The following UBL4A variants were observed in gnomAD, a reference collection of about 807,000 sequenced individuals.
The protein encoded by UBL4A is ubiquitin-like protein 4A.
UBL4A carries 4 observed loss-of-function variants against 11.4 expected under a neutral mutation model. The ratio of observed to expected loss-of-function variants is 0.35; its 90% CI spans 0.17 to 0.81. UBL4A has a LOEUF of 0.81. Among genes scored for constraint, UBL4A ranks in the 30% least tolerant of loss-of-function variants. The probability of loss-of-function intolerance (pLI) is 0.52; values close to 1 mark genes in which losing one functional copy is unlikely to be tolerated. For synonymous variants in UBL4A, 72 were observed against 61.2 expected, an observed-to-expected ratio of 1.18 and a Z score of -0.83; for missense variants, 112 against 124.9, an observed-to-expected ratio of 0.90 and a Z score of 0.49.
rs1479457458 is a variant in UBL4A, at chrX:154,486,340, G to C, written c.49-7C>G. ...CCAGCTCGTCCTCTGGCACCTGGCC[G>C]CGCGGAGGGTGGGAGGCAAGGGTTG... On this transcript the variant is annotated splice_polypyrimidine_tract_variant and splice_region_variant and intron_variant, in intron 1 of 3. Coordinates refer to ENST00000369660, the MANE Select transcript of UBL4A (RefSeq NM_014235.5). 30 of 1,134,966 alleles carry C rather than the reference G, an allele frequency of 2.6e-5. No individual in the cohort carries two copies. Among genetic ancestry groups the C allele is most frequent in the Non-Finnish European group, 3.5e-5 (30 of 857,444 alleles). The allele number at this position is 1,134,966 out of a possible 1,213,427, so 93.5% of individuals were successfully genotyped here.
At position 154,485,788 on chromosome X, in the gene UBL4A, G is replaced by A; in HGVS notation, c.346C>T (p.Leu116=). 1 of 1,194,557 alleles carries A rather than the reference G, an allele frequency of 8.4e-7. No homozygotes were observed. Among genetic ancestry groups the A allele is most frequent in the Admixed American group, 2.2e-5 (1 of 44,716 alleles). Residue 116 remains leucine (L), a synonymous_variant, in exon 3 of 4, where the codon CTG becomes TTG. Transcript: ENST00000369660. ...CTTCTCACCCTCTGTAGCTGTTCCA[G>A]GACCCTGCTGGCATCTGCCGCACTG... ...HFSAADASRV[L]EQLQRDYERS...
rs2069280272 is a variant in UBL4A at position 154,484,088 on chromosome X, TA to T, written c.*1450del. On this transcript the variant is annotated 3_prime_UTR_variant, in exon 4 of 4. Coordinates refer to ENST00000369660, the MANE Select transcript of UBL4A (RefSeq NM_014235.5). ...AAAGTAGAAGCCTCACATTCACCTT[TA>T]ATGTTATTTCACTTTTTCCAAAATC... is the stretch of plus-strand genomic sequence containing the variant. 8.8e-6 allele frequency: 1 copy of T among 113,718 alleles called. No individual in the cohort carries two copies. The highest frequency in any genetic ancestry group is 9.2e-5 in the Admixed American group (1 of 10,836). The allele number at this position is 113,718 out of a possible 1,213,427, so 9.4% of individuals were successfully genotyped here. A position where few individuals can be genotyped will look rare whatever the true frequency, so the allele number is the denominator to read the frequency against.
chrX:154,484,515 A>C lies in UBL4A; in HGVS notation c.*1024T>G. On this transcript the variant is annotated 3_prime_UTR_variant, in exon 4 of 4. Coordinates refer to ENST00000369660, the MANE Select transcript of UBL4A (RefSeq NM_014235.5). Reference sequence around the variant, plus strand: ...TAGATGTCCTCTTGTGCCCACACACACGGCAGGGTGGAGGAGGATGAACCG... The same window carrying C: ...TAGATGTCCTCTTGTGCCCACACACCCGGCAGGGTGGAGGAGGATGAACCG... 1 of 112,666 alleles carries C rather than the reference A, an allele frequency of 8.9e-6. No individual in the cohort carries two copies. Among genetic ancestry groups the C allele is most frequent in the Non-Finnish European group, 1.9e-5 (1 of 53,247 alleles). The allele number at this position is 112,666 out of a possible 1,213,427, so 9.3% of individuals were successfully genotyped here. A position where few individuals can be genotyped will look rare whatever the true frequency, so the allele number is the denominator to read the frequency against.
In UBL4A at chrX:154,483,753, C is replaced by T. The variant is rs1275470088; in HGVS notation, c.*1786G>A. The T allele has an allele frequency of 5.3e-5, 6 of 112,156 alleles. No individual in the cohort carries two copies. The highest frequency in any genetic ancestry group is 1.9e-4 in the African/African-American group (6 of 30,846). 9.2% of individuals were successfully genotyped at this position (112,156 alleles called of 1,213,427 possible). A position where few individuals can be genotyped will look rare whatever the true frequency, so the allele number is the denominator to read the frequency against. On this transcript the variant is annotated 3_prime_UTR_variant, in exon 4 of 4. Transcript: ENST00000369660. ...GAGAAGAGTGTTTATTTGCTGGGGG[C>T]ATCTGAGACAGCAGAGGTGGTACAC... is the stretch of plus-strand genomic sequence containing the variant.
At position 154,485,870 on chromosome X, in the gene UBL4A, G is replaced by A; in HGVS notation, c.264C>T (p.Ala88=). ...GCCAGACCTGCGGGGGTGGGGAGTC[G>A]GCCAGCCTCTGGGCCTCGCCTTCTT... ...LLEEGEAQRL[A]DSPPPQVWQL... Residue 88 remains alanine (A), a synonymous_variant, in exon 3 of 4, where the codon GCC becomes GCT. Transcript: ENST00000369660. 8.3e-7 allele frequency: 1 copy of A among 1,210,660 alleles called. No individual in the cohort carries two copies. Among genetic ancestry groups the A allele is most frequent in the Non-Finnish European group, 1.1e-6 (1 of 894,971 alleles).
chrX:154,485,856 G>A lies in UBL4A; in HGVS notation c.278C>T (p.Pro93Leu), dbSNP rs782174250. Reference protein sequence around the residue: ...EAQRLADSPPPQVWQLISKVL... With the variant: ...EAQRLADSPPLQVWQLISKVL... The stretch of plus-strand genomic sequence containing the variant: ...TTTGGAGATCAGCTGCCAGACCTGC[G>A]GGGGTGGGGAGTCGGCCAGCCTCTG... Residue 93 changes from proline to leucine, a missense_variant, in exon 3 of 4, where the codon CCG becomes CTG. Physicochemically the swap from Pro to Leu is moderately conservative, Grantham distance 98. Transcript: ENST00000369660. 144 of 1,207,000 alleles carry A rather than the reference G, an allele frequency of 1.2e-4. 3 individuals carry two copies. The South Asian group carries it at 2.1e-3, about 18-fold the overall frequency.
At chrX:154,486,486 G>T (rs781867852) in intron 1 of UBL4A, 51 bp downstream of exon 1, 1 of 1,021,538 alleles carries the variant, frequency 9.8e-7, no homozygotes, top group South Asian at 2.7e-5. Context: ...CCCCTGCCAG[G>T]AGCGGGCGAG....
rs1236058356 is a variant in UBL4A at position 154,484,565 on chromosome X, C to T, written c.*974G>A. ...GGAACCCAGTCCATGCTTCTGCCCC[C>T]ACCCTGGCACCCCAAGGTTTCTTCT... is the stretch of plus-strand genomic sequence containing the variant. On this transcript the variant is annotated 3_prime_UTR_variant, in exon 4 of 4. Transcript: ENST00000369660. 8.9e-6 allele frequency: 1 copy of T among 112,857 alleles called. No homozygotes were observed. The highest frequency in any genetic ancestry group is 9.4e-5 in the Admixed American group (1 of 10,687). 9.3% of individuals were successfully genotyped at this position (112,857 alleles called of 1,213,427 possible).
At position 154,486,540 on chromosome X, in the gene UBL4A, C is replaced by A; in HGVS notation, c.45G>T (p.Leu15=). 9.7e-7 allele frequency: 1 copy of A among 1,027,679 alleles called. No individual in the cohort carries two copies. The highest frequency in any genetic ancestry group is 1.2e-6 in the Non-Finnish European group (1 of 804,830). 84.7% of individuals were successfully genotyped at this position (1,027,679 alleles called of 1,213,427 possible). A position where few individuals can be genotyped will look rare whatever the true frequency, so the allele number is the denominator to read the frequency against. The change falls in exon 1 of 4, where the codon CTG becomes CTT. Residue 15 remains leucine (L), a synonymous_variant. Coordinates refer to ENST00000369660, the MANE Select transcript of UBL4A (RefSeq NM_014235.5). ...CGGCCCGGCCCGGGGACCCTACCTGCAGGCTGCACTCGCGGCCCTGCAGCG... is the reference window on the plus strand; with the variant it reads ...CGGCCCGGCCCGGGGACCCTACCTGAAGGCTGCACTCGCGGCCCTGCAGCG... ...VKALQGRECS[L]QVPEDELVST...
intron 2 of UBL4A, 27 bp downstream of exon 2, chrX:154,486,201 C>T: frequency 8.8e-7 from 1 of 1,139,263 alleles, no homozygotes; most frequent in Non-Finnish European, 1.2e-6. Flanking sequence ...CTGCGGGGCT[C>T]CCCGGGCGTC....
rs1419778034 is a variant in UBL4A, at chrX:154,484,008, TAAACCAATG to T, written c.*1522_*1530del. 8.8e-6 allele frequency: 1 copy of T among 113,671 alleles called. No homozygotes were observed. The highest frequency in any genetic ancestry group is 1.9e-5 in the Non-Finnish European group (1 of 53,491). The allele number at this position is 113,671 out of a possible 1,213,427, so 9.4% of individuals were successfully genotyped here. The stretch of plus-strand genomic sequence containing the variant: ...TGATTAAACAAATTGCCTTTATTGT[TAAACCAATG>T]ATTGGATATCAGAAACAGCCTAGCT... On this transcript the variant is annotated 3_prime_UTR_variant, in exon 4 of 4. Transcript: ENST00000369660.
intron 2 of UBL4A, 33 bp downstream of exon 2, chrX:154,486,195 G>A (rs1557212891): frequency 2.7e-6 from 3 of 1,130,872 alleles, no homozygotes; most frequent in Non-Finnish European, 3.5e-6. Flanking sequence ...CGCTTCCTGC[G>A]GGGCTCCCCG....
Position 154,485,964 on chromosome X carries a change from G to C in UBL4A, c.170C>G (p.Ser57Trp). The C allele has an allele frequency of 8.3e-7, 1 of 1,208,026 alleles. No individual in the cohort carries two copies. The highest frequency in any genetic ancestry group is 1.1e-6 in the Non-Finnish European group (1 of 895,450). The change falls in exon 3 of 4, where the codon TCG becomes TGG. Residue 57 changes from serine to tryptophan, a missense_variant. By Grantham distance (177) the Ser-to-Trp change is radical. Transcript: ENST00000369660. ...GKALADGKRLSDYSIGPNSKL... is the reference protein window; with the variant it reads ...GKALADGKRLWDYSIGPNSKL... Reference sequence around the variant, plus strand: ...GGAGTTGGGCCCGATGCTATAATCCGAGAGTCGTTTCCCATCTGCCAAAGA... The same window carrying C: ...GGAGTTGGGCCCGATGCTATAATCCCAGAGTCGTTTCCCATCTGCCAAAGA...
At chrX:154,486,417 T>TCTCCCGG (rs1382485518) in intron 1 of UBL4A, 84 bp from the exon 2 acceptor site, 15 of 980,912 alleles carry the variant, frequency 1.5e-5, no homozygotes, top group Non-Finnish European at 1.9e-5. Context: ...CGAGGGCAGC[T>TCTCCCGG]CTCCCGGCTC....
Position 154,483,853 on chromosome X carries a change from G to A in UBL4A, c.*1686C>T, listed in dbSNP as rs1355052644. On this transcript the variant is annotated 3_prime_UTR_variant, in exon 4 of 4. Coordinates refer to ENST00000369660, the MANE Select transcript of UBL4A (RefSeq NM_014235.5). ...GGCAGCCATCTTTTCATCCTCGGAGGTGGTGGCCTGGGATGTAGCAGATAC... is the reference window on the plus strand; with the variant it reads ...GGCAGCCATCTTTTCATCCTCGGAGATGGTGGCCTGGGATGTAGCAGATAC... The A allele has an allele frequency of 8.9e-6, 1 of 112,640 alleles. No individual in the cohort carries two copies. Among genetic ancestry groups the A allele is most frequent in the Non-Finnish European group, 1.9e-5 (1 of 53,278 alleles). 9.3% of individuals were successfully genotyped at this position (112,640 alleles called of 1,213,427 possible).
At position 154,485,545 on chromosome X, in the gene UBL4A, G is replaced by C; in HGVS notation, c.468C>G (p.Ser156=). 1 of 1,210,790 alleles carries C rather than the reference G, an allele frequency of 8.3e-7. No individual in the cohort carries two copies. The highest frequency in any genetic ancestry group is 1.1e-6 in the Non-Finnish European group (1 of 894,622). The change falls in exon 4 of 4, where the codon TCC becomes TCG. Residue 156 remains serine, a synonymous_variant. Coordinates refer to ENST00000369660, the MANE Select transcript of UBL4A (RefSeq NM_014235.5). ...TCCCCATGCTCCGAGAATTCTATTT[G>C]GAGAAGCCCTTCTCCATTGTCTCAG... ...EVTETMEKGF[S]K is the part of the protein sequence containing the mutation.
chrX:154,485,780 C>T lies in UBL4A; in HGVS notation c.354G>A (p.Gln118=), dbSNP rs782344230. 42 of 1,192,434 alleles carry T rather than the reference C, an allele frequency of 3.5e-5. No individual in the cohort carries two copies. Among genetic ancestry groups the T allele is most frequent in the Non-Finnish European group, 4.2e-5 (37 of 885,077 alleles). Residue 118 remains glutamine, a synonymous_variant, in exon 3 of 4, where the codon CAG becomes CAA. Transcript: ENST00000369660. ...SAADASRVLE[Q]LQRDYERSLS... ...GGGTTACCCTTCTCACCCTCTGTAG[C>T]TGTTCCAGGACCCTGCTGGCATCTG...
rs1378434545 is a variant in UBL4A, at chrX:154,484,702, C to A, written c.*837G>T. The A allele has an allele frequency of 8.8e-6, 1 of 113,003 alleles. No homozygotes were observed. Among genetic ancestry groups the A allele is most frequent in the Admixed American group, 9.3e-5 (1 of 10,715 alleles). The allele number at this position is 113,003 out of a possible 1,213,427, so 9.3% of individuals were successfully genotyped here. ...TGAGGACAAAGGCCTACGCCCAGTC[C>A]CAGCTCTGACACTGCCTTGCTGAGT... On this transcript the variant is annotated 3_prime_UTR_variant, in exon 4 of 4. Coordinates refer to ENST00000369660, the MANE Select transcript of UBL4A (RefSeq NM_014235.5).
In UBL4A at chrX:154,486,546, G is replaced by C. The variant is rs2148265364; in HGVS notation, c.39C>G (p.Cys13Trp). The C allele has an allele frequency of 9.8e-7, 1 of 1,020,840 alleles. No individual in the cohort carries two copies. The highest frequency in any genetic ancestry group is 1.2e-6 in the Non-Finnish European group (1 of 800,939). 84.1% of individuals were successfully genotyped at this position (1,020,840 alleles called of 1,213,427 possible). ...GGCCCGGGGACCCTACCTGCAGGCT[G>C]CACTCGCGGCCCTGCAGCGCCTTCA... ...LTVKALQGRE[C>W]SLQVPEDELV... Residue 13 changes from cysteine (C) to tryptophan (W), a missense_variant, in exon 1 of 4, where the codon TGC becomes TGG. Cys to Trp is a radical substitution (Grantham distance 215). Transcript: ENST00000369660.
Sources: gnomAD v4.1 joint callset for allele counts on GRCh38, gnomAD v4.1.1 for gene constraint, MANE v1.5 for transcripts, NCBI Gene and HGNC (gene_info 2026-07-23, HGNC 2026-07-21) for gene names.